The following SOS1 variants were observed in gnomAD, a reference collection of about 807,000 sequenced individuals.
SOS1 encodes the protein SOS Ras/Rac guanine nucleotide exchange factor 1, also known as son of sevenless homolog 1.
SOS1 carries 25 observed loss-of-function variants against 157.6 expected under a neutral mutation model. That is an observed-to-expected ratio of 0.16 (90% confidence interval 0.12 to 0.22). SOS1 has a LOEUF of 0.22. Ranked by LOEUF, SOS1 falls within the 10% of genes least tolerant of loss-of-function variation. The pLI is 1.00. For synonymous variants in SOS1, 528 were observed against 534.0 expected (o/e 0.99, Z 0.16); for missense variants, 1,237 against 1,599.1 (o/e 0.77, Z 3.86).
intron 1 of SOS1, among the ~76,000 whole-genome samples, chr2:39,112,160 C>A (rs1673463743): frequency 6.6e-6 from 1 of 152,130 alleles, no homozygotes; most frequent in Non-Finnish European, 1.5e-5. Flanking sequence ...TCCTCTCTAT[C>A]ACTTGAAATA....
chr2:38,992,007 C>T (rs1668749202), intron 20 of SOS1, among the ~76,000 whole-genome samples: 1 of 152,036 alleles, frequency 6.6e-6, no homozygotes, highest in Non-Finnish European at 1.5e-5. Flanking sequence ...AAAACTTAAA[C>T]AATGGAACTT....
intron 1 of SOS1, among the ~76,000 whole-genome samples, chr2:39,080,522 T>C (rs1205592807): frequency 6.6e-6 from 1 of 152,242 alleles, no homozygotes; most frequent in Admixed American, 6.5e-5. Flanking sequence ...TCAATGTATA[T>C]TTCAAAGCTT....
chr2:39,054,297 G>A (rs1195906169), intron 5 of SOS1, among the ~76,000 whole-genome samples: 1 of 152,224 alleles, frequency 6.6e-6, no homozygotes, highest in Non-Finnish European at 1.5e-5. Flanking sequence ...TGGCATTGAT[G>A]AAGTGTAGGT....
At chr2:39,038,473 C>T (rs1011806965) in intron 6 of SOS1, among the ~76,000 whole-genome samples, 12 of 151,854 alleles carry the variant, frequency 7.9e-5, no homozygotes, top group East Asian at 5.8e-4. Context: ...CGGTGGCTCA[C>T]GCCTGTAATC....
At chr2:39,105,989 G>A (rs1558515921) in intron 1 of SOS1, among the ~76,000 whole-genome samples, 3 of 152,120 alleles carry the variant, frequency 2.0e-5, no homozygotes. Context: ...GGCCCAGGCG[G>A]GTGAATCTCC....
intron 5 of SOS1, among the ~76,000 whole-genome samples, chr2:39,053,234 T>C (rs1421089044): frequency 1.3e-5 from 2 of 152,232 alleles, no homozygotes; most frequent in African/African-American, 4.8e-5. Context: ...GGGAATTTTA[T>C]ATTCCCACAA....
chr2:39,034,102 A>G (rs1670261175), intron 8 of SOS1, among the ~76,000 whole-genome samples: 1 of 152,218 alleles, frequency 6.6e-6, no homozygotes, highest in African/African-American at 2.4e-5. Context: ...CTGTATTTCC[A>G]AAGACCTTAA....
chr2:39,100,547 A>G (rs1672929153), intron 1 of SOS1, among the ~76,000 whole-genome samples: 1 of 152,252 alleles, frequency 6.6e-6, no homozygotes, highest in Non-Finnish European at 1.5e-5. Flanking sequence ...ACTCAGTAAA[A>G]TAAGCCAGAC....
chr2:39,041,157 C>G (rs1468541148), intron 6 of SOS1, among the ~76,000 whole-genome samples: 2 of 152,142 alleles, frequency 1.3e-5, no homozygotes, highest in South Asian at 2.1e-4. Flanking sequence ...CTCCTGGGCT[C>G]AAGCAATCCT....
At chr2:39,095,075 C>T (rs1478226860) in intron 1 of SOS1, among the ~76,000 whole-genome samples, 2 of 152,170 alleles carry the variant, frequency 1.3e-5, no homozygotes, top group African/African-American at 2.4e-5. Context: ...ATAACAGCCA[C>T]GTAAGGCACT....
rs766698773 is a variant in SOS1 at position 39,120,386 on chromosome 2, C to G, written c.37G>C (p.Glu13Gln). 1.2e-6 allele frequency: 2 copies of G among 1,601,848 alleles called. No individual in the cohort carries two copies. The highest frequency in any genetic ancestry group is 1.7e-6 in the Non-Finnish European group (2 of 1,175,298). The change falls in exon 1 of 23, where the codon GAA becomes CAA. Residue 13 changes from glutamate to glutamine, a missense_variant. By Grantham distance (29) the Glu-to-Gln change is conservative. Transcript: ENST00000402219. ...CCCCGCCACTTGGGCGCGTTCTCTT[C>G]GCTGAAAAACTCGTAGGGCAGCTGC... ...AQQLPYEFFS[E>Q]ENAPKWRGLL... is the part of the protein sequence containing the mutation.
intron 6 of SOS1, among the ~76,000 whole-genome samples, chr2:39,037,797 T>C (rs958900686): frequency 6.6e-6 from 1 of 152,170 alleles, no homozygotes; most frequent in African/African-American, 2.4e-5. Context: ...CCCTTAAGGA[T>C]TGTGCTAAAT....
chr2:39,028,708 T>C (rs1003689843), intron 8 of SOS1, among the ~76,000 whole-genome samples: 16 of 152,186 alleles, frequency 1.1e-4, no homozygotes, highest in African/African-American at 3.9e-4. Flanking sequence ...TAAATTGCAA[T>C]GCACAAGAAT....
intron 1 of SOS1, among the ~76,000 whole-genome samples, chr2:39,112,267 C>T (rs1308425011): frequency 6.6e-6 from 1 of 151,996 alleles, no homozygotes; most frequent in Non-Finnish European, 1.5e-5. Flanking sequence ...GAAAATCTCA[C>T]AACCACCAGA....
intron 10 of SOS1, among the ~76,000 whole-genome samples, chr2:39,019,910 T>C (rs1669743868): frequency 6.6e-6 from 1 of 151,622 alleles, no homozygotes; most frequent in African/African-American, 2.4e-5. Flanking sequence ...TTTATATTAT[T>C]GGCAGTTCAA....
At position 38,986,004 on chromosome 2, in the gene SOS1, T is replaced by C. The variant is rs758222813; in HGVS notation, c.3822A>G (p.Pro1274=). ...PSPHGTRRHL[P]SPPLTQEVDL... is the part of the protein sequence containing the mutation. Reference sequence around the variant, plus strand: ...CCACTTCTTGTGTCAATGGTGGTGATGGCAGATGCCTTCTTGTGCCGTGAG... The same window carrying C: ...CCACTTCTTGTGTCAATGGTGGTGACGGCAGATGCCTTCTTGTGCCGTGAG... The change falls in exon 23 of 23, where the codon CCA becomes CCG. Residue 1274 remains proline, a synonymous_variant. Coordinates refer to ENST00000402219, the MANE Select transcript of SOS1 (RefSeq NM_005633.4). 1 of 1,613,980 alleles carries C rather than the reference T, an allele frequency of 6.2e-7. No individual in the cohort carries two copies. The highest frequency in any genetic ancestry group is 8.5e-7 in the Non-Finnish European group (1 of 1,179,894).
chr2:38,989,359 T>C, intron 20 of SOS1, 45 bp from the exon 21 acceptor site: 2 of 1,270,118 alleles, frequency 1.6e-6, no homozygotes, highest in Non-Finnish European at 2.3e-6. Context: ...CTTTCATTGA[T>C]ATATTCAACT....
chr2:39,077,982 T>C (rs1251753099), intron 1 of SOS1, among the ~76,000 whole-genome samples: 1 of 152,166 alleles, frequency 6.6e-6, no homozygotes, highest in African/African-American at 2.4e-5. Flanking sequence ...TTAATCAACA[T>C]ATCACAAAAA....
At chr2:39,108,725 C>CA (rs1320022854) in intron 1 of SOS1, among the ~76,000 whole-genome samples, 1 of 151,766 alleles carries the variant, frequency 6.6e-6, no homozygotes, top group Non-Finnish European at 1.5e-5. Flanking sequence ...CCTGTCTCTA[C>CA]AAAAAAAATT....
Sources: allele counts gnomAD v4.1 joint callset (sites outside exome capture counted in the v4.1 genomes callset), GRCh38; gene constraint gnomAD v4.1.1; transcripts MANE v1.5; gene names NCBI Gene and HGNC (gene_info 2026-07-23, HGNC 2026-07-21).